The following DSCAM variants were observed in gnomAD, a reference collection of about 807,000 sequenced individuals.
DSCAM encodes cell adhesion molecule DSCAM.
Under a neutral mutation model 217.7 loss-of-function variants are expected in DSCAM, and 47 were observed. The ratio of observed to expected loss-of-function variants is 0.22; its 90% CI spans 0.17 to 0.28. DSCAM has a LOEUF of 0.28. Ranked by LOEUF, DSCAM falls within the 10% of genes least tolerant of loss-of-function variation. DSCAM has a pLI of 1.00. For missense variants in DSCAM, 2,080 were observed against 2,618.3 expected (o/e 0.79, Z 4.49); for synonymous variants, 1,056 against 1,015.3 (o/e 1.04, Z -0.76).
At chr21:40,400,357 T>C (rs764292043) in intron 3 of DSCAM, among the ~76,000 whole-genome samples, 2 of 152,228 alleles carry the variant, frequency 1.3e-5, no homozygotes, top group Non-Finnish European at 2.9e-5. Context: ...TATATTTTCA[T>C]AAATCTTTTT....
At chr21:40,164,124 G>T (rs542697116) in intron 16 of DSCAM, among the ~76,000 whole-genome samples, 49 of 152,266 alleles carry the variant, frequency 3.2e-4, no homozygotes, top group Middle Eastern at 3.4e-3. Context: ...ACATGAAACA[G>T]ACTGCAGAAG....
At chr21:40,491,552 G>A (rs2076076282) in intron 3 of DSCAM, among the ~76,000 whole-genome samples, 1 of 151,660 alleles carries the variant, frequency 6.6e-6, no homozygotes, top group Admixed American at 6.6e-5. Context: ...AAAGTACCCT[G>A]TACCATTCAA....
intron 27 of DSCAM, among the ~76,000 whole-genome samples, chr21:40,070,563 T>C (rs570075336): frequency 6.6e-6 from 1 of 152,202 alleles, no homozygotes; most frequent in East Asian, 1.9e-4. Flanking sequence ...ACTCATGCAT[T>C]AACAATGTGG....
intron 11 of DSCAM, among the ~76,000 whole-genome samples, chr21:40,275,539 T>C (rs1160952222): frequency 6.6e-6 from 1 of 152,192 alleles, no homozygotes; most frequent in Non-Finnish European, 1.5e-5. Flanking sequence ...ATAATTTCAT[T>C]ATAACGCACC....
At chr21:40,109,623 G>C (rs572929093) in intron 20 of DSCAM, among the ~76,000 whole-genome samples, 7 of 152,238 alleles carry the variant, frequency 4.6e-5, no homozygotes, top group African/African-American at 1.7e-4. Flanking sequence ...GCGAGGCATC[G>C]CCTCACCCAG....
chr21:40,813,189 G>A (rs2091853723), intron 1 of DSCAM, among the ~76,000 whole-genome samples: 1 of 152,170 alleles, frequency 6.6e-6, no homozygotes, highest in Non-Finnish European at 1.5e-5. Flanking sequence ...CGGCACAAAT[G>A]AAACACCATT....
At chr21:40,614,681 T>A (rs141206406) in intron 3 of DSCAM, among the ~76,000 whole-genome samples, 115 of 152,266 alleles carry the variant, frequency 7.6e-4, no homozygotes, top group South Asian at 6.2e-3. Flanking sequence ...AAATAAATGG[T>A]AACAGTTGTA....
At chr21:40,382,748 C>G (rs568625900) in intron 3 of DSCAM, among the ~76,000 whole-genome samples, 78 of 152,282 alleles carry the variant, frequency 5.1e-4, no homozygotes, top group African/African-American at 1.8e-3. Flanking sequence ...TGTCACAGAG[C>G]CTTGCACTGT....
At chr21:40,623,965 T>G (rs2089562646) in intron 3 of DSCAM, among the ~76,000 whole-genome samples, 1 of 152,212 alleles carries the variant, frequency 6.6e-6, no homozygotes, top group South Asian at 2.1e-4. Flanking sequence ...CACACAAGAT[T>G]TTTTTCAGTG....
intron 3 of DSCAM, among the ~76,000 whole-genome samples, chr21:40,530,920 ACCATCCAT>A (rs749257248): frequency 4.4e-4 from 39 of 88,514 alleles, no homozygotes; most frequent in African/African-American, 1.5e-3. Flanking sequence ...CATCCATTCA[ACCATCCAT>A]CCATCCATCC....
intron 20 of DSCAM, among the ~76,000 whole-genome samples, chr21:40,102,382 T>A (rs1476288540): frequency 6.6e-6 from 1 of 152,190 alleles, no homozygotes; most frequent in Non-Finnish European, 1.5e-5. Flanking sequence ...AGCGTTCACA[T>A]TTCAAGCGTT....
chr21:40,109,274 T>C (rs1323499950), intron 20 of DSCAM, among the ~76,000 whole-genome samples: 1 of 152,024 alleles, frequency 6.6e-6, no homozygotes, highest in Non-Finnish European at 1.5e-5. Context: ...TATTCAGCCT[T>C]TATAAGAAAC....
rs2090605608 is a variant in DSCAM, at chr21:40,167,218, C to T, written c.3018G>A (p.Lys1006=). 1 of 1,613,820 alleles carries T rather than the reference C, an allele frequency of 6.2e-7. No homozygotes were observed. The highest frequency in any genetic ancestry group is 1.1e-5 in the South Asian group (1 of 91,054). ...GAATACAAATGTTTGCTGAGTTTAC[C>T]TTCCATGTGACCCTGATGCTCTGAG... ...ISSQSIRVTW[K]APKKHLQNGI... Residue 1006 remains lysine, a splice_region_variant and synonymous_variant, in exon 16 of 33, where the codon AAG becomes AAA. Coordinates refer to ENST00000400454, the MANE Select transcript of DSCAM (RefSeq NM_001389.5).
chr21:40,648,244 T>A (rs917389535), intron 3 of DSCAM, among the ~76,000 whole-genome samples: 1 of 131,594 alleles, frequency 7.6e-6, no homozygotes. Flanking sequence ...TTCATACATA[T>A]CCCTGTACAC....
chr21:40,666,699 G>T (rs2090205027), intron 3 of DSCAM, among the ~76,000 whole-genome samples: 1 of 152,242 alleles, frequency 6.6e-6, no homozygotes. Flanking sequence ...CCTGGCCACT[G>T]CTTTGCCCCT....
At chr21:40,665,861 G>A (rs750306071) in intron 3 of DSCAM, among the ~76,000 whole-genome samples, 2 of 152,214 alleles carry the variant, frequency 1.3e-5, no homozygotes, top group South Asian at 2.1e-4. Context: ...CCATGACCTC[G>A]GGTGTGAAGA....
intron 3 of DSCAM, among the ~76,000 whole-genome samples, chr21:40,654,057 T>G (rs371411092): frequency 1.3e-5 from 2 of 150,964 alleles, no homozygotes; most frequent in Admixed American, 1.3e-4. Flanking sequence ...ACCACACTAT[T>G]GCACTCCAGC....
intron 11 of DSCAM, among the ~76,000 whole-genome samples, chr21:40,267,973 A>G (rs1412542061): frequency 6.6e-6 from 1 of 152,228 alleles, no homozygotes; most frequent in Non-Finnish European, 1.5e-5. Flanking sequence ...AGGCATGCGT[A>G]TATACACAAG....
At chr21:40,199,886 C>T (rs1291612752) in intron 11 of DSCAM, among the ~76,000 whole-genome samples, 1 of 151,940 alleles carries the variant, frequency 6.6e-6, no homozygotes, top group Non-Finnish European at 1.5e-5. Context: ...CACATATATA[C>T]CTATGTAACA....
Sources: gnomAD v4.1 joint callset for allele counts (sites outside exome capture counted in the v4.1 genomes callset) on GRCh38, gnomAD v4.1.1 for gene constraint, MANE v1.5 for transcripts, NCBI Gene and HGNC (gene_info 2026-07-23, HGNC 2026-07-21) for gene names.